The following TKTL2 variants were observed in gnomAD, a reference collection of about 807,000 sequenced individuals.
TKTL2 encodes the protein transketolase-like protein 2.
For synonymous variants in TKTL2, 259 were observed against 294.1 expected, an observed-to-expected ratio of 0.88 and a Z score of 1.22; for missense variants, 825 against 799.4, an observed-to-expected ratio of 1.03 and a Z score of -0.39.
Position 163,473,202 on chromosome 4 carries a change from T to C in TKTL2, c.533A>G (p.Asn178Ser). ...GTTCACGTCGAAGACCGCCACGAGA[T>C]TGTCCAAGTTGTAGTGGGAGGCAAA... Reference protein sequence around the residue: ...FAFASHYNLDNLVAVFDVNRL... With the variant: ...FAFASHYNLDSLVAVFDVNRL... The change falls in exon 1 of 1, where the codon AAT (asparagine) becomes AGT (serine). Residue 178 changes from asparagine to serine, a missense_variant. Physicochemically the swap from Asn to Ser is conservative, Grantham distance 46. Transcript: ENST00000280605. 1.2e-6 allele frequency: 2 copies of C among 1,613,560 alleles called. No individual in the cohort carries two copies. The highest frequency in any genetic ancestry group is 1.7e-6 in the Non-Finnish European group (2 of 1,179,914).
Position 163,472,781 on chromosome 4 carries a change from C to A in TKTL2, c.954G>T (p.Lys318Asn). 1 of 1,572,524 alleles carries A rather than the reference C, an allele frequency of 6.4e-7. No individual in the cohort carries two copies. Among genetic ancestry groups the A allele is most frequent in the South Asian group, 1.2e-5 (1 of 82,262 alleles). The stretch of plus-strand genomic sequence containing the variant: ...AACCATATGTTTTCTGAGTAGCTAT[C>A]TTGTCACCAACTTTGTAAGCAGGTG... ...TSPPAYKVGDKIATQKTYGLA... is the reference protein window; with the variant it reads ...TSPPAYKVGDNIATQKTYGLA... The change falls in exon 1 of 1, where the codon AAG becomes AAT. Residue 318 changes from lysine to asparagine, a missense_variant. Transcript: ENST00000280605.
chr4:163,473,626 C>G lies in TKTL2; in HGVS notation c.109G>C (p.Gly37Arg). The G allele has an allele frequency of 1.2e-6, 2 of 1,614,182 alleles. No individual in the cohort carries two copies. Among genetic ancestry groups the G allele is most frequent in the Non-Finnish European group, 1.7e-6 (2 of 1,180,030 alleles). ...SIRATCASGS[G>R]QLTSCCSAAE... ...GCACTGCAGCACGACGTGAGCTGGC[C>G]AGAACCAGAGGCACACGTGGCCCTG... is the stretch of plus-strand genomic sequence containing the variant. Residue 37 changes from glycine to arginine, a missense_variant, in exon 1 of 1, where the codon GGC becomes CGC. By Grantham distance (125) the Gly-to-Arg change is moderately radical. Coordinates refer to ENST00000280605, the MANE Select transcript of TKTL2 (RefSeq NM_032136.5).
Position 163,471,868 on chromosome 4 carries a change from T to TA in TKTL2, c.1866dup (p.Thr623TyrfsTer7). The stretch of plus-strand genomic sequence containing the variant: ...ATAAGCCTAGTTTACTTCATTAAAG[T>TA]AAGTGTTACGGCTGCTATAATGTGT... On this transcript the variant is annotated frameshift_variant, in exon 1 of 1. Transcript: ENST00000280605. LOFTEE classifies it high-confidence loss of function. 2 of 1,516,962 alleles carry TA rather than the reference T, an allele frequency of 1.3e-6. No individual in the cohort carries two copies. The highest frequency in any genetic ancestry group is 1.8e-6 in the Non-Finnish European group (2 of 1,132,640). The allele number at this position is 1,516,962 out of a possible 1,614,324, so 94.0% of individuals were successfully genotyped here. A position where few individuals can be genotyped will look rare whatever the true frequency, so the allele number is the denominator to read the frequency against.
Position 163,472,858 on chromosome 4 carries a change from G to A in TKTL2, c.877C>T (p.Pro293Ser), listed in dbSNP as rs373951649. 3 of 1,585,002 alleles carry A rather than the reference G, an allele frequency of 1.9e-6. No homozygotes were observed. Among genetic ancestry groups the A allele is most frequent in the Non-Finnish European group, 2.6e-6 (3 of 1,166,978 alleles). ...QTNENLIPKS[P>S]VEDSPQISIT... ...CTTATTTGAGGTGAGTCTTCCACAG[G>A]CGATTTTGGTATGAGATTCTCATTG... Residue 293 changes from proline (P) to serine (S), a missense_variant, in exon 1 of 1, where the codon CCT becomes TCT. Transcript: ENST00000280605.
chr4:163,472,059 C>A lies in TKTL2; in HGVS notation c.1676G>T (p.Arg559Leu), dbSNP rs144602118. Residue 559 changes from arginine to leucine, a missense_variant, in exon 1 of 1, where the codon CGA becomes CTA. Arg to Leu is a moderately radical substitution (Grantham distance 102). Transcript: ENST00000280605. ...GTAGTGATCCTCCACTGTGATAACT[C>A]GGCCGCCTGTGGCTTTTGCACTGGA... ...IISSAKATGGRVITVEDHYRE... is the reference protein window; with the variant it reads ...IISSAKATGGLVITVEDHYRE... The A allele has an allele frequency of 1.8e-5, 29 of 1,614,154 alleles. No homozygotes were observed. The highest frequency in any genetic ancestry group is 2.2e-5 in the East Asian group (1 of 44,888).
In TKTL2 at chr4:163,472,340, G is replaced by A. The variant is rs764020408; in HGVS notation, c.1395C>T (p.Ala465=). ...TGAAGCACATTCCCTTGGTATTGGCGGCTAGATAAATAGCATGCTCTGTCG... is the reference window on the plus strand; with the variant it reads ...TGAAGCACATTCCCTTGGTATTGGCAGCTAGATAAATAGCATGCTCTGTCG... ...AISTEHAIYL[A]ANTKGMCFIR... Residue 465 remains alanine, a synonymous_variant, in exon 1 of 1, where the codon GCC becomes GCT. Transcript: ENST00000280605. 3.4e-5 allele frequency: 55 copies of A among 1,600,262 alleles called. No homozygotes were observed. The highest frequency in any genetic ancestry group is 4.3e-5 in the Non-Finnish European group (50 of 1,173,442).
In TKTL2 at chr4:163,473,743, T is replaced by G; in HGVS notation, c.-9A>C. On this transcript the variant is annotated 5_prime_UTR_variant, in exon 1 of 1. Coordinates refer to ENST00000280605, the MANE Select transcript of TKTL2 (RefSeq NM_032136.5). ...GCGTCGTTGGCCATCATCTCTCTTT[T>G]GTCGGTTTGGCAAAGCAAACGGCGC... The G allele has an allele frequency of 4.4e-6, 7 of 1,590,832 alleles. No homozygotes were observed. Among genetic ancestry groups the G allele is most frequent in the Non-Finnish European group, 6.0e-6 (7 of 1,165,718 alleles).
chr4:163,473,597 C>A lies in TKTL2; in HGVS notation c.138G>T (p.Ala46=), dbSNP rs764116442. 6.2e-7 allele frequency: 1 copy of A among 1,614,058 alleles called. No individual in the cohort carries two copies. Among genetic ancestry groups the A allele is most frequent in the African/African-American group, 1.3e-5 (1 of 74,926 alleles). ...GGAAGAAGAGGACAGACACGACCTC[C>A]GCTGCACTGCAGCACGACGTGAGCT... is the stretch of plus-strand genomic sequence containing the variant. The part of the protein sequence containing the change: ...SGQLTSCCSA[A]EVVSVLFFHT... Residue 46 remains alanine, a synonymous_variant, in exon 1 of 1, where the codon GCG becomes GCT. Coordinates refer to ENST00000280605, the MANE Select transcript of TKTL2 (RefSeq NM_032136.5).
chr4:163,471,890 G>A lies in TKTL2; in HGVS notation c.1845C>T (p.His615=). Residue 615 remains histidine (H), a synonymous_variant, in exon 1 of 1, where the codon CAC becomes CAT. Transcript: ENST00000280605. ...AAGTAAGTGTTACGGCTGCTATAAT[G>A]TGTCTGGTACTGATTCCAAACATAT... is the stretch of plus-strand genomic sequence containing the variant. ...LLDMFGISTR[H]IIAAVTLTLM... 1.9e-6 allele frequency: 3 copies of A among 1,540,394 alleles called. No homozygotes were observed. Among genetic ancestry groups the A allele is most frequent in the Non-Finnish European group, 2.6e-6 (3 of 1,144,730 alleles).
chr4:163,472,311 C>T lies in TKTL2; in HGVS notation c.1424G>A (p.Arg475Gln), dbSNP rs757828647. ...AANTKGMCFI[R>Q]TSQPETAVIY... is the part of the protein sequence containing the mutation. ...AACTGCAGTTTCTGGTTGGCTGGTT[C>T]GAATGAAGCACATTCCCTTGGTATT... The change falls in exon 1 of 1, where the codon CGA becomes CAA. Residue 475 changes from arginine (R) to glutamine (Q), a missense_variant. By Grantham distance (43) the Arg-to-Gln change is conservative. Coordinates refer to ENST00000280605, the MANE Select transcript of TKTL2 (RefSeq NM_032136.5). 8 of 1,605,660 alleles carry T rather than the reference C, an allele frequency of 5.0e-6. No homozygotes were observed. Among genetic ancestry groups the T allele is most frequent in the Non-Finnish European group, 6.8e-6 (8 of 1,175,968 alleles).
rs534196139 is a variant in TKTL2 at position 163,472,225 on chromosome 4, T to A, written c.1510A>T (p.Asn504Tyr). ...GCTCCAATTACTGTGACTTTATCAT[T>A]GACACCGTGGCGGACCACCTTGGCC... is the stretch of plus-strand genomic sequence containing the variant. Reference protein sequence around the residue: ...GQAKVVRHGVNDKVTVIGAGV... With the variant: ...GQAKVVRHGVYDKVTVIGAGV... The change falls in exon 1 of 1, where the codon AAT becomes TAT. Residue 504 changes from asparagine (N) to tyrosine (Y), a missense_variant. Physicochemically the swap from Asn to Tyr is moderately radical, Grantham distance 143. Transcript: ENST00000280605. 5 of 1,614,216 alleles carry A rather than the reference T, an allele frequency of 3.1e-6. No homozygotes were observed. In the South Asian group the frequency reaches 4.4e-5, roughly 14 times the overall value.
Position 163,472,026 on chromosome 4 carries a change from C to A in TKTL2, c.1709G>T (p.Gly570Val). The A allele has an allele frequency of 6.2e-7, 1 of 1,613,776 alleles. No homozygotes were observed. Among genetic ancestry groups the A allele is most frequent in the Non-Finnish European group, 8.5e-7 (1 of 1,179,784 alleles). ...TGCACAAACAGCTTCTCCAATGCCA[C>A]CTTCCCTGTAGTGATCCTCCACTGT... is the stretch of plus-strand genomic sequence containing the variant. Reference protein sequence around the residue: ...VITVEDHYREGGIGEAVCAAV... With the variant: ...VITVEDHYREVGIGEAVCAAV... The change falls in exon 1 of 1, where the codon GGT (glycine) becomes GTT (valine). Residue 570 changes from glycine (G) to valine (V), a missense_variant. By Grantham distance (109) the Gly-to-Val change is moderately radical. Transcript: ENST00000280605.
chr4:163,472,889 T>C lies in TKTL2; in HGVS notation c.846A>G (p.Ile282Met). Reference sequence around the variant, plus strand: ...TTGGTATGAGATTCTCATTGGTCTGTATCTGACTCTCAATTAATTTGACAA... The same window carrying C: ...TTGGTATGAGATTCTCATTGGTCTGCATCTGACTCTCAATTAATTTGACAA... ...DAIVKLIESQ[I>M]QTNENLIPKS... The change falls in exon 1 of 1, where the codon ATA becomes ATG. Residue 282 changes from isoleucine (I) to methionine (M), a missense_variant. Transcript: ENST00000280605. The C allele has an allele frequency of 6.2e-7, 1 of 1,609,572 alleles. No individual in the cohort carries two copies. The highest frequency in any genetic ancestry group is 8.5e-7 in the Non-Finnish European group (1 of 1,177,942).
In TKTL2 at chr4:163,472,060, G is replaced by T. The variant is rs569128837; in HGVS notation, c.1675C>A (p.Arg559=). 1 of 1,614,132 alleles carries T rather than the reference G, an allele frequency of 6.2e-7. No homozygotes were observed. The highest frequency in any genetic ancestry group is 8.5e-7 in the Non-Finnish European group (1 of 1,180,012). ...IISSAKATGG[R]VITVEDHYRE... Reference sequence around the variant, plus strand: ...TAGTGATCCTCCACTGTGATAACTCGGCCGCCTGTGGCTTTTGCACTGGAG... The same window carrying T: ...TAGTGATCCTCCACTGTGATAACTCTGCCGCCTGTGGCTTTTGCACTGGAG... The change falls in exon 1 of 1, where the codon CGA becomes AGA. Residue 559 remains arginine (R), a synonymous_variant. Coordinates refer to ENST00000280605, the MANE Select transcript of TKTL2 (RefSeq NM_032136.5).
rs1268384174 is a variant in TKTL2 at position 163,473,039 on chromosome 4, TG to T, written c.695del (p.Ala232GlufsTer4). 1 of 1,614,088 alleles carries T rather than the reference TG, an allele frequency of 6.2e-7. No homozygotes were observed. Among genetic ancestry groups the T allele is most frequent in the East Asian group, 2.2e-5 (1 of 44,882 alleles). On this transcript the variant is annotated frameshift_variant, in exon 1 of 1. Coordinates refer to ENST00000280605, the MANE Select transcript of TKTL2 (RefSeq NM_032136.5). LOFTEE classifies it low-confidence loss of function (END_TRUNC). ...CAGTAGGCTTGTTCTTCACTTGACT[TG>T]CTTGCCAAAATGCTTGGCACAAGGC... ...VEALCQAFWQ[A>X]SQVKNKPTAI...
rs1225604006 is a variant in TKTL2 at position 163,473,002 on chromosome 4, T to A, written c.733A>T (p.Lys245Ter). 1.2e-6 allele frequency: 2 copies of A among 1,614,086 alleles called. No homozygotes were observed. The highest frequency in any genetic ancestry group is 1.7e-6 in the Non-Finnish European group (2 of 1,180,044). Residue 245 changes from lysine (K) to a stop codon, truncating the protein, a stop_gained, in exon 1 of 1, where the codon AAG (lysine) becomes TAG (stop). Transcript: ENST00000280605. LOFTEE classifies it low-confidence loss of function (END_TRUNC). ...GGAATACCCCGACCTTTGAAGGTCT[T>A]GGCAACTATAGCAGTAGGCTTGTTC... ...VKNKPTAIVAKTFKGRGIPNI... is the reference protein window; with the variant it reads ...VKNKPTAIVA
rs1272350594 is a variant in TKTL2 at position 163,472,523 on chromosome 4, G to C, written c.1212C>G (p.Leu404=). 1 of 1,614,136 alleles carries C rather than the reference G, an allele frequency of 6.2e-7. No individual in the cohort carries two copies. Residue 404 remains leucine, a synonymous_variant, in exon 1 of 1, where the codon CTC becomes CTG. Coordinates refer to ENST00000280605, the MANE Select transcript of TKTL2 (RefSeq NM_032136.5). ...TGGCTTGAGAAATGGCTCCCATTCG[G>C]AGCTGATCGAATGCTCTAGTAAAAA... ...AAFFTRAFDQ[L]RMGAISQANI... is the part of the protein sequence containing the mutation.
Position 163,472,408 on chromosome 4 carries a change from T to C in TKTL2, c.1327A>G (p.Ser443Gly). ...MALEDLAMFR[S>G]IPNCTVFYPS... ...TAGAAAACAGTACAATTGGGAATGC[T>C]TCGGAACATGGCTAGATCCTCCAGG... Residue 443 changes from serine to glycine, a missense_variant, in exon 1 of 1, where the codon AGC becomes GGC. Physicochemically the swap from Ser to Gly is moderately conservative, Grantham distance 56. Coordinates refer to ENST00000280605, the MANE Select transcript of TKTL2 (RefSeq NM_032136.5). 6.2e-7 allele frequency: 1 copy of C among 1,611,766 alleles called. No individual in the cohort carries two copies. The highest frequency in any genetic ancestry group is 8.5e-7 in the Non-Finnish European group (1 of 1,178,796).
Position 163,472,509 on chromosome 4 carries a change from A to G in TKTL2, c.1226T>C (p.Ile409Thr), listed in dbSNP as rs1270425141. 1 of 1,614,072 alleles carries G rather than the reference A, an allele frequency of 6.2e-7. No homozygotes were observed. Among genetic ancestry groups the G allele is most frequent in the East Asian group, 2.2e-5 (1 of 44,892 alleles). ...RAFDQLRMGA[I>T]SQANINLIGS... is the part of the protein sequence containing the mutation. Reference sequence around the variant, plus strand: ...AATAAGGTTGATATTGGCTTGAGAAATGGCTCCCATTCGGAGCTGATCGAA... The same window carrying G: ...AATAAGGTTGATATTGGCTTGAGAAGTGGCTCCCATTCGGAGCTGATCGAA... The change falls in exon 1 of 1, where the codon ATT becomes ACT. Residue 409 changes from isoleucine to threonine, a missense_variant. Transcript: ENST00000280605.
Sources: allele counts gnomAD v4.1 joint callset, GRCh38; gene constraint gnomAD v4.1.1; transcripts MANE v1.5; gene names NCBI Gene and HGNC (gene_info 2026-07-23, HGNC 2026-07-21).